The following SATL1 variants were observed in gnomAD, a reference collection of about 807,000 sequenced individuals.
SATL1 encodes the protein spermidine/spermine N1-acetyl transferase like 1, also known as spermidine/spermine N(1)-acetyltransferase-like protein 1.
In SATL1, 47 loss-of-function variants were observed where a neutral mutation model predicts 51.8. That is an observed-to-expected ratio of 0.91 (90% CI 0.72 to 1.16). The LOEUF is 1.16. SATL1 is among the 50% of genes most tolerant of loss of function. SATL1 has a pLI of 0.00. For missense variants in SATL1, 520 were observed against 526.4 expected, an observed-to-expected ratio of 0.99 and a Z score of 0.12; for synonymous variants, 176 against 182.4, an observed-to-expected ratio of 0.97 and a Z score of 0.28.
At chrX:85,190,332 G>A (rs1179739411) in intron 2 of SATL1, among the ~76,000 whole-genome samples, 1 of 111,925 alleles carries the variant, frequency 8.9e-6, no homozygotes, top group African/African-American at 3.2e-5. Context: ...TAGTAATAGT[G>A]CTAGAATCTC....
chrX:85,171,764 G>T (rs1373492317), intron 2 of SATL1, among the ~76,000 whole-genome samples: 1 of 111,692 alleles, frequency 9.0e-6, no homozygotes, highest in African/African-American at 3.2e-5. Flanking sequence ...TTTACAAAAT[G>T]AAGAGTAAAG....
rs1291216288 is a variant in SATL1 at position 85,108,911 on chromosome X, T to C, written c.58A>G (p.Asn20Asp). The stretch of plus-strand genomic sequence containing the variant: ...CCAAGTGAGTTTGTGCTTGGCTGGT[T>C]TATGCCTGCTTGGTTCGAGTCTGAT... The part of the protein sequence containing the change: ...SLSDSNQAGI[N>D]QPSTNSLGMN... The change falls in exon 3 of 8, where the codon AAC (asparagine) becomes GAC (aspartate). Residue 20 changes from asparagine (N) to aspartate (D), a missense_variant. Physicochemically the swap from Asn to Asp is conservative, Grantham distance 23. Around this residue, in one of 3 missense-constraint regions of SATL1, gnomAD observed 22 missense variants for 23.8 expected, o/e 0.92. Transcript: ENST00000644105. The C allele has an allele frequency of 8.3e-7, 1 of 1,208,990 alleles. No individual in the cohort carries two copies. Among genetic ancestry groups the C allele is most frequent in the African/African-American group, 1.8e-5 (1 of 57,035 alleles).
chrX:85,108,337 G>C lies in SATL1; in HGVS notation c.632C>G (p.Pro211Arg), dbSNP rs760430741. The change falls in exon 3 of 8, where the codon CCA (proline) becomes CGA (arginine). Residue 211 changes from proline (P) to arginine (R), a missense_variant. Coordinates refer to ENST00000644105, the MANE Select transcript of SATL1 (RefSeq NM_001367857.2). ...PGISQQVPSH[P>R]DMSQPGMSQQ... ...GCTCATGCCTGGTTGACTCATGTCTGGGTGGCTTGGGACTTGCTGGCTGAT... is the reference window on the plus strand; with the variant it reads ...GCTCATGCCTGGTTGACTCATGTCTCGGTGGCTTGGGACTTGCTGGCTGAT... 14 of 1,211,185 alleles carry C rather than the reference G, an allele frequency of 1.2e-5. No homozygotes were observed. In the Admixed American group the frequency reaches 3.0e-4, roughly 26 times the overall value.
At chrX:85,179,057 A>T (rs1413353055) in intron 2 of SATL1, among the ~76,000 whole-genome samples, 1 of 112,157 alleles carries the variant, frequency 8.9e-6, no homozygotes. Context: ...ACAGGATGTT[A>T]CCCACTAGGC....
chrX:85,132,232 C>A (rs1041589852), intron 2 of SATL1, among the ~76,000 whole-genome samples: 2 of 111,889 alleles, frequency 1.8e-5, no homozygotes, highest in Non-Finnish European at 3.8e-5. Context: ...TGGATAATAT[C>A]CTGAAGAGTG....
chrX:85,103,984 A>G (rs1924966602), intron 3 of SATL1, 69 bp from the exon 4 acceptor site: 1 of 810,280 alleles, frequency 1.2e-6, no homozygotes, highest in African/African-American at 2.0e-5. Flanking sequence ...ATCATCATAA[A>G]ATTTGTATTA....
At chrX:85,133,102 A>T (rs749664225) in intron 2 of SATL1, among the ~76,000 whole-genome samples, 1 of 111,714 alleles carries the variant, frequency 9.0e-6, no homozygotes, top group African/African-American at 3.2e-5. Context: ...AAGTTAGGCT[A>T]CATGAGGGTC....
chrX:85,106,513 G>C (rs1925045475), intron 3 of SATL1, among the ~76,000 whole-genome samples: 2 of 112,090 alleles, frequency 1.8e-5, no homozygotes, highest in African/African-American at 6.5e-5. Context: ...TATGAGGGCT[G>C]CGTATCTACA....
chrX:85,207,411 C>A (rs1927812148), intron 2 of SATL1: 1 of 111,889 alleles, frequency 8.9e-6, no homozygotes, highest in Non-Finnish European at 1.9e-5. Flanking sequence ...ACCTTCATAT[C>A]TTCTTGTGCA....
chrX:85,114,457 C>T (rs986002038), intron 2 of SATL1, among the ~76,000 whole-genome samples: 6 of 111,522 alleles, frequency 5.4e-5, no homozygotes, highest in African/African-American at 2.0e-4. Flanking sequence ...ATGTCACAAT[C>T]TCCAAAGTTA....
chrX:85,123,660 T>C (rs1033755440), intron 2 of SATL1, among the ~76,000 whole-genome samples: 22 of 111,937 alleles, frequency 2.0e-4, no homozygotes, highest in African/African-American at 6.8e-4. Context: ...GCAGAAACTC[T>C]TTAAGAAACA....
chrX:85,200,374 G>T (rs1927664464), intron 2 of SATL1, among the ~76,000 whole-genome samples: 1 of 112,060 alleles, frequency 8.9e-6, no homozygotes, highest in East Asian at 2.8e-4. Context: ...GACATACAAT[G>T]AGCAGATATA....
At chrX:85,235,379 T>A (rs151254597) in intron 1 of SATL1, among the ~76,000 whole-genome samples, 11 of 111,350 alleles carry the variant, frequency 9.9e-5, no homozygotes, top group African/African-American at 3.6e-4. Context: ...TACAGAACAC[T>A]TCATCCAAAA....
intron 7 of SATL1, 53 bp from the exon 8 acceptor site, chrX:85,092,614 G>T: frequency 9.4e-7 from 1 of 1,059,521 alleles, no homozygotes; most frequent in Non-Finnish European, 1.3e-6. Flanking sequence ...TATAATCTTC[G>T]TTAACACATA....
intron 2 of SATL1, among the ~76,000 whole-genome samples, chrX:85,136,183 G>T (rs1054416249): frequency 5.4e-5 from 6 of 110,139 alleles, no homozygotes; most frequent in Non-Finnish European, 9.5e-5. Flanking sequence ...AGAAAGAATA[G>T]ATAGGGAGAC....
intron 2 of SATL1, among the ~76,000 whole-genome samples, chrX:85,216,365 C>T (rs938205575): frequency 4.5e-5 from 5 of 110,937 alleles, no homozygotes; most frequent in African/African-American, 1.6e-4. Flanking sequence ...AATCAGGAGT[C>T]TGAATATGGC....
At chrX:85,124,280 T>G (rs1190821228) in intron 2 of SATL1, among the ~76,000 whole-genome samples, 1 of 111,791 alleles carries the variant, frequency 8.9e-6, no homozygotes, top group Non-Finnish European at 1.9e-5. Flanking sequence ...AAGCAGATAT[T>G]GAAACTATGG....
intron 2 of SATL1, chrX:85,209,574 C>T (rs1927865497): frequency 9.0e-6 from 1 of 111,281 alleles, no homozygotes; most frequent in Non-Finnish European, 1.9e-5. Context: ...TGTAGTTCTC[C>T]TTGAAGAGGT....
chrX:85,139,065 G>A (rs1926040672), intron 2 of SATL1, among the ~76,000 whole-genome samples: 1 of 111,330 alleles, frequency 9.0e-6, no homozygotes, highest in African/African-American at 3.3e-5. Context: ...TGTTTCTACT[G>A]TTCTATGCAG....
Sources: gnomAD v4.1 joint callset for allele counts (sites outside exome capture counted in the v4.1 genomes callset) on GRCh38, gnomAD v4.1.1 for gene constraint, gnomAD v4.1.1 regional missense constraint, MANE v1.5 for transcripts, NCBI Gene and HGNC (gene_info 2026-07-23, HGNC 2026-07-21) for gene names.